PRKD1: variants seen among roughly 807,000 people sequenced by gnomAD.
PRKD1 encodes serine/threonine-protein kinase D1.
A neutral mutation model predicts 95.9 loss-of-function variants in PRKD1; 63 were observed. The observed-to-expected ratio is 0.66, with a 90% CI of 0.54 to 0.81. The LOEUF is 0.81. PRKD1 is among the 30% of genes least tolerant of loss of function. The pLI is 0.00. For missense variants in PRKD1, 1,048 were observed against 1,165.3 expected (o/e 0.90, Z 1.47); for synonymous variants, 425 against 423.1 (o/e 1.00, Z -0.05).
intron 1 of PRKD1, among the ~76,000 whole-genome samples, chr14:29,909,035 C>T (rs1894600273): frequency 6.6e-6 from 1 of 152,188 alleles, no homozygotes; most frequent in African/African-American, 2.4e-5. Context: ...GAGTGGCGCT[C>T]ACGGGTCAGC....
At chr14:29,631,607 C>A (rs1341994765) in intron 9 of PRKD1, among the ~76,000 whole-genome samples, 3 of 151,450 alleles carry the variant, frequency 2.0e-5, no homozygotes, top group Non-Finnish European at 1.5e-5. Flanking sequence ...TCAAGCAATT[C>A]TCCTGCCTCA....
At chr14:29,638,390 T>C in intron 6 of PRKD1, 99 bp downstream of exon 6, 4 of 1,267,288 alleles carry the variant, frequency 3.2e-6, no homozygotes, top group Non-Finnish European at 4.5e-6. Context: ...GTCTGAAATA[T>C]CTGAACCAAA....
At chr14:29,668,375 T>C (rs577676985) in intron 2 of PRKD1, among the ~76,000 whole-genome samples, 1 of 152,272 alleles carries the variant, frequency 6.6e-6, no homozygotes, top group East Asian at 1.9e-4. Context: ...TGTTAGTCTG[T>C]CATAATCAAT....
intron 1 of PRKD1, among the ~76,000 whole-genome samples, chr14:29,891,056 T>C (rs1893921345): frequency 6.6e-6 from 1 of 152,216 alleles, no homozygotes; most frequent in South Asian, 2.1e-4. Flanking sequence ...AAATGCCTGC[T>C]ATGTACCGGC....
At chr14:29,881,559 A>G (rs1893512903) in intron 1 of PRKD1, among the ~76,000 whole-genome samples, 1 of 150,614 alleles carries the variant, frequency 6.6e-6, no homozygotes, top group Admixed American at 6.6e-5. Context: ...TTTGCTTTTT[A>G]TTTTTTTTGT....
chr14:29,625,108 C>T (rs1879533463), intron 12 of PRKD1, among the ~76,000 whole-genome samples: 1 of 152,144 alleles, frequency 6.6e-6, no homozygotes, highest in South Asian at 2.1e-4. Flanking sequence ...AGCTAGTGTT[C>T]ACTCACCTTA....
chr14:29,660,479 C>G (rs1162168962), intron 4 of PRKD1, among the ~76,000 whole-genome samples: 1 of 152,152 alleles, frequency 6.6e-6, no homozygotes, highest in African/African-American at 2.4e-5. Flanking sequence ...TCACTCAAAT[C>G]CAATTGCCTT....
At chr14:29,847,836 C>T (rs1043800898) in intron 1 of PRKD1, among the ~76,000 whole-genome samples, 1 of 152,040 alleles carries the variant, frequency 6.6e-6, no homozygotes, top group African/African-American at 2.4e-5. Flanking sequence ...CTATTTAAAG[C>T]ATACACACAC....
At chr14:29,822,145 T>C (rs1270889093) in intron 1 of PRKD1, among the ~76,000 whole-genome samples, 1 of 152,238 alleles carries the variant, frequency 6.6e-6, no homozygotes, top group Non-Finnish European at 1.5e-5. Context: ...CAGGTCACTA[T>C]GGAAAGCAAT....
intron 13 of PRKD1, among the ~76,000 whole-genome samples, chr14:29,617,155 A>G (rs1878923395): frequency 6.6e-6 from 1 of 152,146 alleles, no homozygotes; most frequent in Non-Finnish European, 1.5e-5. Context: ...GCTGTATAGT[A>G]TTCCATGGTC....
intron 1 of PRKD1, among the ~76,000 whole-genome samples, chr14:29,809,751 C>G (rs1053027175): frequency 2.0e-5 from 3 of 152,180 alleles, no homozygotes; most frequent in African/African-American, 7.2e-5. Flanking sequence ...ACCACTAAAA[C>G]TTTCTCCCTA....
chr14:29,696,190 T>C (rs1255253644), intron 2 of PRKD1, among the ~76,000 whole-genome samples: 3 of 152,142 alleles, frequency 2.0e-5, no homozygotes, highest in Admixed American at 6.5e-5. Flanking sequence ...ATTACACATA[T>C]GAATTGCTGA....
chr14:29,915,036 T>C (rs1047365104), intron 1 of PRKD1, among the ~76,000 whole-genome samples: 2 of 152,170 alleles, frequency 1.3e-5, no homozygotes, highest in African/African-American at 2.4e-5. Context: ...AAGGCACTTT[T>C]CTTAAGGACC....
Position 29,626,519 on chromosome 14 carries a change from ACT to A in PRKD1, c.1761_1762del (p.Glu587AspfsTer17). The A allele has an allele frequency of 6.2e-7, 1 of 1,612,952 alleles. No homozygotes were observed. Among genetic ancestry groups the A allele is most frequent in the Non-Finnish European group, 8.5e-7 (1 of 1,179,400 alleles). ...AATTCCAAACTGTCCAGAACCCAGT[ACT>A]TCATCAGGAAAAATCTGATATACTG... On this transcript the variant is annotated frameshift_variant, in exon 12 of 18. Transcript: ENST00000331968. LOFTEE classifies it high-confidence loss of function.
At chr14:29,664,934 T>G (rs1003756644) in intron 3 of PRKD1, among the ~76,000 whole-genome samples, 1 of 152,212 alleles carries the variant, frequency 6.6e-6, no homozygotes, top group South Asian at 2.1e-4. Flanking sequence ...GTGTATTCAA[T>G]GTCTACTATT....
intron 2 of PRKD1, among the ~76,000 whole-genome samples, chr14:29,677,938 G>A (rs1262972667): frequency 6.6e-6 from 1 of 152,104 alleles, no homozygotes; most frequent in Non-Finnish European, 1.5e-5. Context: ...GTTGATTTGA[G>A]TTAGTTATTC....
chr14:29,670,656 G>A (rs1173997924), intron 2 of PRKD1, among the ~76,000 whole-genome samples: 1 of 152,084 alleles, frequency 6.6e-6, no homozygotes, highest in Non-Finnish European at 1.5e-5. Flanking sequence ...AGGTGTGTGA[G>A]TGTTTGTAAA....
chr14:29,630,346 C>T (rs1879915386), intron 10 of PRKD1, among the ~76,000 whole-genome samples: 1 of 151,806 alleles, frequency 6.6e-6, no homozygotes, highest in Non-Finnish European at 1.5e-5. Context: ...CCCCATGTTG[C>T]CCAGGCTGGA....
intron 1 of PRKD1, among the ~76,000 whole-genome samples, chr14:29,849,164 T>C (rs959269622): frequency 6.6e-6 from 1 of 152,226 alleles, no homozygotes; most frequent in African/African-American, 2.4e-5. Context: ...CCTTTGGTGC[T>C]GTTCTCATGA....
Sources: gnomAD v4.1 joint callset for allele counts (sites outside exome capture counted in the v4.1 genomes callset) on GRCh38, gnomAD v4.1.1 for gene constraint, MANE v1.5 for transcripts, NCBI Gene and HGNC (gene_info 2026-07-23, HGNC 2026-07-21) for gene names.